PAM: variants seen among roughly 807,000 people sequenced by gnomAD.
The protein encoded by PAM is peptidylglycine alpha-amidating monooxygenase, also known as peptidyl-glycine alpha-amidating monooxygenase.
A neutral mutation model predicts 122.1 loss-of-function variants in PAM; 72 were observed. That is an observed-to-expected ratio of 0.59 (90% CI 0.49 to 0.72). PAM has a LOEUF of 0.72. PAM is among the 30% of genes least tolerant of loss of function. PAM has a pLI of 0.00. For synonymous variants in PAM, 389 were observed against 404.4 expected (o/e 0.96, Z 0.46); for missense variants, 1,106 against 1,183.7 (o/e 0.93, Z 0.96).
rs371621096 is a variant in PAM at position 102,974,439 on chromosome 5, G to A, written c.1483+3G>A. On this transcript the variant is annotated splice_donor_region_variant and intron_variant, in intron 15 of 25. Transcript: ENST00000438793. ...CTGGGAACCAGAACACACAGGAGGT[G>A]CGTGTAGGGTTTCTTTTAAGCAGTA... 15 of 1,600,648 alleles carry A rather than the reference G, an allele frequency of 9.4e-6. No homozygotes were observed. The highest frequency in any genetic ancestry group is 1.3e-5 in the Non-Finnish European group (15 of 1,171,420).
chr5:102,864,365 C>T (rs1784972070), intron 1 of PAM, among the ~76,000 whole-genome samples: 2 of 151,882 alleles, frequency 1.3e-5, no homozygotes, highest in African/African-American at 4.8e-5. Context: ...TTTCTGAAAG[C>T]CCAAACAGCA....
At chr5:102,905,096 G>GT (rs1002223556) in intron 4 of PAM, among the ~76,000 whole-genome samples, 56 of 151,428 alleles carry the variant, frequency 3.7e-4, no homozygotes, top group East Asian at 7.8e-4. Context: ...GGCATTGTGT[G>GT]TTTTTTTTGT....
intron 12 of PAM, among the ~76,000 whole-genome samples, chr5:102,958,437 T>C (rs1432600186): frequency 1.3e-5 from 2 of 152,130 alleles, no homozygotes; most frequent in African/African-American, 4.8e-5. Flanking sequence ...GAGGCTCCAG[T>C]TTATTATTTT....
intron 1 of PAM, among the ~76,000 whole-genome samples, chr5:102,779,811 A>T (rs1020978752): frequency 8.9e-6 from 1 of 112,050 alleles, no homozygotes; most frequent in African/African-American, 3.9e-5. Context: ...CTGGCTCTCA[A>T]TGCTCCTCGC....
intron 7 of PAM, among the ~76,000 whole-genome samples, chr5:102,937,837 T>G (rs1201960036): frequency 6.6e-6 from 1 of 152,170 alleles, no homozygotes; most frequent in Non-Finnish European, 1.5e-5. Context: ...AGAGTCACTG[T>G]TTTTAAAAGT....
At chr5:102,790,216 A>T (rs1761698252) in intron 1 of PAM, among the ~76,000 whole-genome samples, 1 of 152,096 alleles carries the variant, frequency 6.6e-6, no homozygotes, top group Non-Finnish European at 1.5e-5. Flanking sequence ...TAAAATACAA[A>T]TAATTAAAAC....
intron 3 of PAM, among the ~76,000 whole-genome samples, chr5:102,899,639 C>G (rs1561812832): frequency 6.6e-6 from 1 of 151,650 alleles, no homozygotes; most frequent in African/African-American, 2.4e-5. Flanking sequence ...GTATAATGCA[C>G]AGAGTGCATA....
intron 15 of PAM, among the ~76,000 whole-genome samples, chr5:102,986,484 A>G (rs1045858791): frequency 2.0e-5 from 3 of 152,210 alleles, no homozygotes; most frequent in Non-Finnish European, 4.4e-5. Context: ...AGTCCTATTT[A>G]CAATAGCTTA....
intron 4 of PAM, among the ~76,000 whole-genome samples, chr5:102,903,153 G>C (rs1798514291): frequency 6.6e-6 from 1 of 151,382 alleles, no homozygotes; most frequent in African/African-American, 2.4e-5. Context: ...TCCTTAAAAG[G>C]TCTTGTAAGA....
chr5:102,810,055 ACACT>A (rs1265123078), intron 1 of PAM, among the ~76,000 whole-genome samples: 1 of 152,192 alleles, frequency 6.6e-6, no homozygotes, highest in Non-Finnish European at 1.5e-5. Context: ...TTTCATTAAA[ACACT>A]CACCTAATAC....
chr5:102,762,555 T>G (rs1257093986), intron 1 of PAM, among the ~76,000 whole-genome samples: 3 of 152,166 alleles, frequency 2.0e-5, no homozygotes, highest in African/African-American at 4.8e-5. Context: ...ATGCTACATC[T>G]TATTTTAAAA....
chr5:102,867,299 C>G lies in PAM; in HGVS notation c.116C>G (p.Ser39Cys). 1 of 1,603,112 alleles carries G rather than the reference C, an allele frequency of 6.2e-7. No individual in the cohort carries two copies. The highest frequency in any genetic ancestry group is 8.5e-7 in the Non-Finnish European group (1 of 1,170,294). Residue 39 changes from serine (S) to cysteine (C), a missense_variant, in exon 3 of 26, where the codon TCC becomes TGC. Coordinates refer to ENST00000438793, the MANE Select transcript of PAM (RefSeq NM_001177306.2). ...TTTAAAGAAACTACCAGACCATTTT[C>G]CAATGAATGTCTTGGTACCACCAGA... The part of the protein sequence containing the change: ...KRFKETTRPF[S>C]NECLGTTRPV...
At chr5:102,786,055 C>T (rs1760438799) in intron 1 of PAM, among the ~76,000 whole-genome samples, 2 of 152,034 alleles carry the variant, frequency 1.3e-5, no homozygotes, top group African/African-American at 4.8e-5. Flanking sequence ...TATGGTAAAG[C>T]AAAGTTTGCA....
At chr5:102,769,071 A>G (rs900451577) in intron 1 of PAM, among the ~76,000 whole-genome samples, 17 of 152,064 alleles carry the variant, frequency 1.1e-4, no homozygotes, top group African/African-American at 3.9e-4. Flanking sequence ...ATCTCATTGT[A>G]GTTTTTATTT....
Position 102,955,860 on chromosome 5 carries a change from G to A in PAM, c.906-4015G>A, listed in dbSNP as rs1193400739. On this transcript the variant is annotated intron_variant, in intron 12 of 25. Transcript: ENST00000438793. ...AAATACTCCCTTAGGAATACAGAAAGCAATTTGTTTTAAAATGAGATTTTT... is the reference window on the plus strand; with the variant it reads ...AAATACTCCCTTAGGAATACAGAAAACAATTTGTTTTAAAATGAGATTTTT... Among the ~76,000 whole-genome samples, 6 of 151,884 alleles carry A rather than the reference G, an allele frequency of 4.0e-5. No homozygotes were observed. In the East Asian group the frequency reaches 1.2e-3, roughly 29 times the overall value.
chr5:102,948,115 G>A (rs1757611037), intron 8 of PAM, among the ~76,000 whole-genome samples: 1 of 152,080 alleles, frequency 6.6e-6, no homozygotes, highest in African/African-American at 2.4e-5. Flanking sequence ...CACCTACCCA[G>A]CAACACCTAG....
intron 7 of PAM, among the ~76,000 whole-genome samples, chr5:102,945,654 C>T (rs1484842226): frequency 6.6e-6 from 1 of 151,766 alleles, no homozygotes; most frequent in African/African-American, 2.4e-5. Flanking sequence ...ATTCTTCTCC[C>T]CCCCTCTCTC....
rs919855697 is a variant in PAM, at chr5:102,757,224, G to A, written c.-374+1876G>A. On this transcript the variant is annotated intron_variant, in intron 1 of 25. Coordinates refer to ENST00000438793, the MANE Select transcript of PAM (RefSeq NM_001177306.2). ...CACCTGTAATCCCAGCTACTTGGGA[G>A]ACTGAGGCAGGAGAATCGCTTGAAC... 4.6e-5 allele frequency among the ~76,000 whole-genome samples: 7 copies of A among 152,302 alleles called. No homozygotes were observed. In the South Asian group the frequency reaches 8.3e-4, roughly 18 times the overall value.
chr5:102,990,452 A>C (rs780148225), intron 16 of PAM, 51 bp downstream of exon 16: 1 of 1,402,176 alleles, frequency 7.1e-7, no homozygotes, highest in Non-Finnish European at 9.7e-7. Flanking sequence ...AATAGTGTAC[A>C]TAATTTTTTC....
Sources: allele counts gnomAD v4.1 joint callset (sites outside exome capture counted in the v4.1 genomes callset), GRCh38; gene constraint gnomAD v4.1.1; transcripts MANE v1.5; gene names NCBI Gene and HGNC (gene_info 2026-07-23, HGNC 2026-07-21).